The following NKAIN2 variants were observed in gnomAD, a reference collection of about 807,000 sequenced individuals.
NKAIN2 encodes sodium/potassium transporting ATPase interacting 2.
NKAIN2 carries 14 observed loss-of-function variants against 32.6 expected under a neutral mutation model. That is an observed-to-expected ratio of 0.43 (90% CI 0.28 to 0.67). The LOEUF (loss-of-function observed/expected upper bound fraction) is 0.67, where lower values mean the gene tolerates loss of function less well. Ranked by LOEUF, NKAIN2 falls within the 30% of genes least tolerant of loss-of-function variation. NKAIN2 has a pLI of 0.17. For synonymous variants in NKAIN2, 80 were observed against 87.2 expected (o/e 0.92, Z 0.46); for missense variants, 198 against 258.3 (o/e 0.77, Z 1.60).
At chr6:124,337,732 G>A (rs1797938919) in intron 2 of NKAIN2, among the ~76,000 whole-genome samples, 1 of 152,192 alleles carries the variant, frequency 6.6e-6, no homozygotes, top group South Asian at 2.1e-4. Context: ...CTGTTGAGCA[G>A]GTTGAGCAGA....
intron 1 of NKAIN2, among the ~76,000 whole-genome samples, chr6:123,891,904 G>A (rs1182150226): frequency 6.6e-6 from 1 of 152,140 alleles, no homozygotes; most frequent in African/African-American, 2.4e-5. Flanking sequence ...TCTCCATGAA[G>A]CAGGGCTCTG....
intron 1 of NKAIN2, among the ~76,000 whole-genome samples, chr6:123,905,116 C>G (rs1290112335): frequency 6.6e-5 from 10 of 152,064 alleles, no homozygotes; most frequent in African/African-American, 2.4e-4. Context: ...TGTGAAAAGT[C>G]TGAAATTTTT....
At chr6:124,819,143 T>C (rs1781289904) in intron 6 of NKAIN2, 2 of 967,002 alleles carry the variant, frequency 2.1e-6, no homozygotes, top group South Asian at 4.8e-5. Flanking sequence ...TCAAGTGATA[T>C]GCTGAATTGC....
chr6:124,710,488 G>T (rs1432272381), intron 4 of NKAIN2, among the ~76,000 whole-genome samples: 1 of 151,870 alleles, frequency 6.6e-6, no homozygotes, highest in Non-Finnish European at 1.5e-5. Context: ...GGTCACTCAG[G>T]ACTTGCTTTA....
chr6:124,589,137 T>A (rs1291957649), intron 3 of NKAIN2, among the ~76,000 whole-genome samples: 1 of 152,154 alleles, frequency 6.6e-6, no homozygotes, highest in Non-Finnish European at 1.5e-5. Flanking sequence ...TAAATCAATA[T>A]GAAAGAAACA....
At chr6:124,664,621 C>T (rs868661700) in intron 4 of NKAIN2, among the ~76,000 whole-genome samples, 2 of 149,742 alleles carry the variant, frequency 1.3e-5, no homozygotes, top group South Asian at 4.2e-4. Flanking sequence ...GGTGAAACCC[C>T]GTCTCTACTA....
chr6:124,627,408 G>C (rs1351513622), intron 3 of NKAIN2, among the ~76,000 whole-genome samples: 4 of 152,148 alleles, frequency 2.6e-5, no homozygotes, highest in Non-Finnish European at 5.9e-5. Flanking sequence ...GGAAATTACT[G>C]GTCCTGGGGA....
At chr6:124,637,518 T>C (rs1386048304) in intron 3 of NKAIN2, among the ~76,000 whole-genome samples, 35 of 152,080 alleles carry the variant, frequency 2.3e-4, no homozygotes, top group Non-Finnish European at 7.4e-5. Flanking sequence ...ATTTTTTCTT[T>C]AGAAAAACCT....
At chr6:124,495,176 G>A (rs1778016703) in intron 3 of NKAIN2, among the ~76,000 whole-genome samples, 1 of 152,084 alleles carries the variant, frequency 6.6e-6, no homozygotes, top group African/African-American at 2.4e-5. Flanking sequence ...AGGAAATCAA[G>A]TACATTGACT....
At chr6:124,568,959 C>T (rs1408628084) in intron 3 of NKAIN2, among the ~76,000 whole-genome samples, 1 of 151,674 alleles carries the variant, frequency 6.6e-6, no homozygotes, top group Non-Finnish European at 1.5e-5. Flanking sequence ...CCTTTCCTAA[C>T]ATTTACACAA....
intron 1 of NKAIN2, among the ~76,000 whole-genome samples, chr6:123,873,882 A>G (rs879794220): frequency 1.3e-5 from 2 of 152,322 alleles, no homozygotes; most frequent in South Asian, 4.1e-4. Flanking sequence ...CACGCTGTTC[A>G]TTCAGACCTT....
chr6:124,521,576 C>T (rs1481465078), intron 3 of NKAIN2, among the ~76,000 whole-genome samples: 1 of 152,148 alleles, frequency 6.6e-6, no homozygotes, highest in African/African-American at 2.4e-5. Context: ...AGGTGCTCTA[C>T]TGTTAGAATT....
At chr6:124,767,692 T>C (rs1778570534) in intron 4 of NKAIN2, among the ~76,000 whole-genome samples, 1 of 152,230 alleles carries the variant, frequency 6.6e-6, no homozygotes, top group Non-Finnish European at 1.5e-5. Flanking sequence ...TATCTTTCAC[T>C]GTTGTTCTCT....
intron 3 of NKAIN2, among the ~76,000 whole-genome samples, chr6:124,448,920 C>G (rs1357355795): frequency 6.6e-6 from 1 of 152,116 alleles, no homozygotes; most frequent in African/African-American, 2.4e-5. Flanking sequence ...TAAACTCATG[C>G]CTGGTCAAGC....
intron 3 of NKAIN2, among the ~76,000 whole-genome samples, chr6:124,475,222 G>A (rs911360090): frequency 3.3e-5 from 5 of 152,168 alleles, no homozygotes; most frequent in African/African-American, 1.2e-4. Context: ...TTGTGAACCT[G>A]AGCAGGGTGG....
chr6:124,208,904 T>C (rs557685296), intron 1 of NKAIN2, among the ~76,000 whole-genome samples: 66 of 151,908 alleles, frequency 4.3e-4, no homozygotes, highest in African/African-American at 1.3e-3. Flanking sequence ...GAATGTGCAA[T>C]GATCAAATCA....
At chr6:124,126,525 A>G (rs1786173521) in intron 1 of NKAIN2, among the ~76,000 whole-genome samples, 1 of 152,218 alleles carries the variant, frequency 6.6e-6, no homozygotes, top group African/African-American at 2.4e-5. Context: ...TGAATTGTCC[A>G]TGGTCTTATT....
At chr6:123,910,123 G>T (rs1294911324) in intron 1 of NKAIN2, among the ~76,000 whole-genome samples, 1 of 152,052 alleles carries the variant, frequency 6.6e-6, no homozygotes, top group East Asian at 1.9e-4. Context: ...TATATATTTG[G>T]TTAGGCACTT....
At chr6:124,314,621 G>T (rs1056683467) in intron 2 of NKAIN2, among the ~76,000 whole-genome samples, 1 of 152,102 alleles carries the variant, frequency 6.6e-6, no homozygotes, top group Non-Finnish European at 1.5e-5. Flanking sequence ...CAATCTAGAG[G>T]CTGGGGCCTT....
Sources: gnomAD v4.1 joint callset for allele counts (sites outside exome capture counted in the v4.1 genomes callset) on GRCh38, gnomAD v4.1.1 for gene constraint, MANE v1.5 for transcripts, NCBI Gene and HGNC (gene_info 2026-07-23, HGNC 2026-07-21) for gene names.